ATF6: variants seen among roughly 807,000 people sequenced by gnomAD.
ATF6 encodes the protein activating transcription factor 6.
ATF6 carries 53 observed loss-of-function variants against 83.6 expected under a neutral mutation model. The ratio of observed to expected loss-of-function variants is 0.63; its 90% CI spans 0.51 to 0.80. The LOEUF (loss-of-function observed/expected upper bound fraction) is 0.80. Ranked by LOEUF, ATF6 falls within the 30% of genes least tolerant of loss-of-function variation. ATF6 has a pLI of 0.00. For synonymous variants in ATF6, 288 were observed against 285.8 expected, an observed-to-expected ratio of 1.01 and a Z score of -0.08; for missense variants, 744 against 797.9, an observed-to-expected ratio of 0.93 and a Z score of 0.81.
chr1:161,786,655 T>A (rs947494990), intron 4 of ATF6, among the ~76,000 whole-genome samples: 1 of 152,196 alleles, frequency 6.6e-6, no homozygotes, highest in Non-Finnish European at 1.5e-5. Flanking sequence ...ACTTGTTTTT[T>A]CCTTATGCAT....
chr1:161,957,861 A>G (rs1688998758), intron 15 of ATF6, among the ~76,000 whole-genome samples: 2 of 152,244 alleles, frequency 1.3e-5, no homozygotes, highest in South Asian at 4.1e-4. Flanking sequence ...TCAGATGTCT[A>G]TAACTTGTCA....
chr1:161,886,497 C>G (rs1687424874), intron 14 of ATF6, among the ~76,000 whole-genome samples: 1 of 152,216 alleles, frequency 6.6e-6, no homozygotes, highest in South Asian at 2.1e-4. Context: ...TATACTTACA[C>G]AAACCTAGAT....
At chr1:161,822,720 C>T (rs1488821047) in intron 9 of ATF6, among the ~76,000 whole-genome samples, 1 of 152,008 alleles carries the variant, frequency 6.6e-6, no homozygotes, top group East Asian at 1.9e-4. Flanking sequence ...AGGAAAGGTA[C>T]ATGATATCAT....
At chr1:161,944,927 C>G (rs1481454825) in intron 15 of ATF6, among the ~76,000 whole-genome samples, 2 of 151,004 alleles carry the variant, frequency 1.3e-5, no homozygotes, top group Non-Finnish European at 3.0e-5. Flanking sequence ...CAGCTCTATA[C>G]AAGTTTTGGC....
At chr1:161,826,953 A>C (rs909755531) in intron 9 of ATF6, among the ~76,000 whole-genome samples, 9 of 120,606 alleles carry the variant, frequency 7.5e-5, no homozygotes, top group African/African-American at 2.6e-4. Flanking sequence ...TTTTTTTGAG[A>C]TGGAGTCTCA....
chr1:161,790,984 T>C (rs1684861888), intron 4 of ATF6, among the ~76,000 whole-genome samples: 1 of 152,202 alleles, frequency 6.6e-6, no homozygotes, highest in South Asian at 2.1e-4. Flanking sequence ...AGAGAGATTA[T>C]GGAGAAAGGA....
At chr1:161,837,298 T>C (rs1686245112) in intron 9 of ATF6, among the ~76,000 whole-genome samples, 1 of 152,238 alleles carries the variant, frequency 6.6e-6, no homozygotes, top group Non-Finnish European at 1.5e-5. Flanking sequence ...TTGAGCTGTT[T>C]TGTCACATTA....
At chr1:161,879,182 C>A (rs972229393) in intron 14 of ATF6, among the ~76,000 whole-genome samples, 1 of 152,112 alleles carries the variant, frequency 6.6e-6, no homozygotes, top group Non-Finnish European at 1.5e-5. Context: ...CTAACAGTTT[C>A]TGTTTTCCCA....
chr1:161,782,417 T>C (rs752780430), intron 3 of ATF6, among the ~76,000 whole-genome samples: 1 of 152,174 alleles, frequency 6.6e-6, no homozygotes, highest in Non-Finnish European at 1.5e-5. Context: ...CTGATACTAA[T>C]ATCTTTAAGG....
intron 14 of ATF6, among the ~76,000 whole-genome samples, chr1:161,904,457 G>A (rs911012885): frequency 8.6e-5 from 13 of 151,960 alleles, no homozygotes; most frequent in African/African-American, 2.9e-4. Flanking sequence ...GCATGGTGGC[G>A]GGTGCATGTA....
chr1:161,795,650 G>A (rs114993118), intron 6 of ATF6, among the ~76,000 whole-genome samples: 2,130 of 152,328 alleles, frequency 0.014, 45 homozygotes, highest in African/African-American at 0.048. Context: ...GCCATGTTCC[G>A]TTAAGGGGGA....
chr1:161,775,505 C>T (rs1001155161), intron 1 of ATF6, among the ~76,000 whole-genome samples: 1 of 152,102 alleles, frequency 6.6e-6, no homozygotes, highest in Non-Finnish European at 1.5e-5. Context: ...ACCTACCTTC[C>T]TTCCTTCCTT....
rs564233421 is a variant in ATF6 at position 161,799,416 on chromosome 1, CAG to C, written c.689-2635_689-2634del. 1.4e-3 allele frequency among the ~76,000 whole-genome samples: 220 copies of C among 152,232 alleles called. 1 individual carries two copies. The highest frequency in any genetic ancestry group is 5.0e-3 in the African/African-American group (207 of 41,560). Reference sequence around the variant, plus strand: ...GACATAAAAAGGGGACAATAGACAACAGGGGCTACTTTTGAGGGTGGAGGATG... The same window carrying C: ...GACATAAAAAGGGGACAATAGACAACGGGCTACTTTTGAGGGTGGAGGATG... On this transcript the variant is annotated intron_variant, in intron 6 of 15. Transcript: ENST00000367942.
In ATF6 at chr1:161,960,950, C is replaced by T. The variant is rs1040360493; in HGVS notation, c.*2296C>T. The stretch of plus-strand genomic sequence containing the variant: ...CTAATCTTCTGCTGGAACTGTCATA[C>T]GTTATCATGGTCAATGTAAACCTGG... On this transcript the variant is annotated 3_prime_UTR_variant, in exon 16 of 16. Coordinates refer to ENST00000367942, the MANE Select transcript of ATF6 (RefSeq NM_007348.4). 4 of 152,154 alleles carry T rather than the reference C, an allele frequency of 2.6e-5. No individual in the cohort carries two copies. Among genetic ancestry groups the T allele is most frequent in the Non-Finnish European group, 5.9e-5 (4 of 68,056 alleles). 9.4% of individuals were successfully genotyped at this position (152,154 alleles called of 1,614,324 possible).
intron 12 of ATF6, 120 bp from the exon 13 acceptor site, chr1:161,860,087 T>C (rs1246317318): frequency 3.8e-6 from 2 of 525,978 alleles, no homozygotes; most frequent in Admixed American, 7.1e-5. Context: ...TTGAACTGAA[T>C]ATGTCAGAAA....
At chr1:161,835,449 A>G (rs1232375265) in intron 9 of ATF6, among the ~76,000 whole-genome samples, 2 of 152,222 alleles carry the variant, frequency 1.3e-5, no homozygotes, top group African/African-American at 4.8e-5. Flanking sequence ...TTGTAAACCA[A>G]ACATTTTTCC....
At chr1:161,845,207 A>G (rs935937077) in intron 9 of ATF6, among the ~76,000 whole-genome samples, 1 of 152,156 alleles carries the variant, frequency 6.6e-6, no homozygotes, top group Non-Finnish European at 1.5e-5. Context: ...GATTTCCCCA[A>G]ATTTGGAGAC....
chr1:161,770,548 C>T (rs1301143337), intron 1 of ATF6, among the ~76,000 whole-genome samples: 1 of 152,172 alleles, frequency 6.6e-6, no homozygotes, highest in Non-Finnish European at 1.5e-5. Flanking sequence ...TCTTCTTCTT[C>T]TTATAAGGCC....
intron 14 of ATF6, among the ~76,000 whole-genome samples, chr1:161,865,434 AG>A (rs1686975805): frequency 6.6e-6 from 1 of 152,246 alleles, no homozygotes; most frequent in Admixed American, 6.5e-5. Flanking sequence ...CTGGAATTAC[AG>A]GCATGAGCCA....
Sources: allele counts gnomAD v4.1 joint callset (sites outside exome capture counted in the v4.1 genomes callset), GRCh38; gene constraint gnomAD v4.1.1; transcripts MANE v1.5; gene names NCBI Gene and HGNC (gene_info 2026-07-23, HGNC 2026-07-21).